Variants in DDX6 observed in about 807,000 individuals in gnomAD.
DDX6 encodes probable ATP-dependent RNA helicase DDX6.
In DDX6, 7 loss-of-function variants were observed where a neutral mutation model predicts 60.6. The observed-to-expected ratio is 0.12, with a 90% CI of 0.07 to 0.22. The LOEUF (loss-of-function observed/expected upper bound fraction) is 0.22, where lower values mean the gene tolerates loss of function less well. DDX6 is among the 10% of genes least tolerant of loss of function. The pLI is 1.00. For missense variants in DDX6, 270 were observed against 589.9 expected (o/e 0.46, Z 5.62); for synonymous variants, 207 against 201.0 (o/e 1.03, Z -0.25).
At chr11:118,758,133 C>T (rs1195839333) in intron 9 of DDX6, among the ~76,000 whole-genome samples, 2 of 152,174 alleles carry the variant, frequency 1.3e-5, no homozygotes, top group Non-Finnish European at 1.5e-5. Flanking sequence ...ACACTGTACA[C>T]GTCCACAAAT....
rs144390870 is a variant in DDX6, at chr11:118,776,765, G to A, written c.369+2867C>T. Among the ~76,000 whole-genome samples the A allele has an allele frequency of 1.3e-4, 19 of 151,694 alleles. No homozygotes were observed. In the East Asian group the frequency reaches 2.1e-3, roughly 17 times the overall value. ...GGGGAATCGCGTGAACCCAGGAGTC[G>A]GAGATTGCAGTGAGTGGACATCGCG... On this transcript the variant is annotated intron_variant, in intron 4 of 13. Transcript: ENST00000534980.
chr11:118,778,040 A>T (rs1861764202), intron 4 of DDX6, among the ~76,000 whole-genome samples: 1 of 152,008 alleles, frequency 6.6e-6, no homozygotes, highest in Admixed American at 6.6e-5. Context: ...ATTGAAAAAA[A>T]TTGAAAAAAA....
chr11:118,779,712 C>T lies in DDX6; in HGVS notation c.289G>A (p.Glu97Lys). ...CGTTTCAAACAGTAATCTTCAAACT[C>T]ATTTCCTTTTGTGGAGGTCACATCC... Reference protein sequence around the residue: ...TSDVTSTKGNEFEDYCLKREL... With the variant: ...TSDVTSTKGNKFEDYCLKREL... The change falls in exon 4 of 14, where the codon GAG becomes AAG. Residue 97 changes from glutamate (E) to lysine (K), a missense_variant. Physicochemically the swap from Glu to Lys is moderately conservative, Grantham distance 56. This residue lies in a region of DDX6 where 14 missense variants were observed against 67.4 expected (regional missense o/e 0.21). Coordinates refer to ENST00000534980, the MANE Select transcript of DDX6 (RefSeq NM_004397.6). The T allele has an allele frequency of 6.2e-7, 1 of 1,610,350 alleles. No individual in the cohort carries two copies. The highest frequency in any genetic ancestry group is 8.5e-7 in the Non-Finnish European group (1 of 1,178,014).
At chr11:118,773,518 G>A (rs1861603347) in intron 4 of DDX6, among the ~76,000 whole-genome samples, 1 of 152,186 alleles carries the variant, frequency 6.6e-6, no homozygotes, top group Non-Finnish European at 1.5e-5. Context: ...CTTGCAGTGA[G>A]CCAAGATTGC....
intron 2 of DDX6, among the ~76,000 whole-genome samples, chr11:118,783,458 G>C (rs1488860742): frequency 6.6e-6 from 1 of 152,098 alleles, no homozygotes; most frequent in East Asian, 1.9e-4. Context: ...CAAAGTGATG[G>C]GATGAACGGC....
chr11:118,764,081 C>A (rs183613993), intron 6 of DDX6, among the ~76,000 whole-genome samples: 1 of 152,040 alleles, frequency 6.6e-6, no homozygotes, highest in Non-Finnish European at 1.5e-5. Context: ...AGAAGGCACA[C>A]CAGACTTCTG....
Position 118,751,801 on chromosome 11 carries a change from TC to T in DDX6, c.*303del, listed in dbSNP as rs1860781521. The T allele has an allele frequency of 2.6e-6, 1 of 384,146 alleles. No homozygotes were observed. The highest frequency in any genetic ancestry group is 5.0e-6 in the Non-Finnish European group (1 of 198,594). 23.8% of individuals were successfully genotyped at this position (384,146 alleles called of 1,614,324 possible). ...AAGATTCTTCTCTTTTTAGGGTTTC[TC>T]CCCTTCTCTTCTTTCTTTTCCTTCC... On this transcript the variant is annotated 3_prime_UTR_variant, in exon 14 of 14. Coordinates refer to ENST00000534980, the MANE Select transcript of DDX6 (RefSeq NM_004397.6).
chr11:118,777,298 C>T (rs1280640478), intron 4 of DDX6, among the ~76,000 whole-genome samples: 1 of 152,096 alleles, frequency 6.6e-6, no homozygotes, highest in Non-Finnish European at 1.5e-5. Context: ...TTAGCACAGC[C>T]TGAATTCAAT....
intron 2 of DDX6, among the ~76,000 whole-genome samples, chr11:118,783,478 C>A (rs1265202494): frequency 6.6e-6 from 1 of 152,172 alleles, no homozygotes; most frequent in Non-Finnish European, 1.5e-5. Flanking sequence ...CATGAGCCAT[C>A]ATATCCAGCC....
rs1246101663 is a variant in DDX6 at position 118,755,594 on chromosome 11, ATTAAT to A, written c.1175-96_1175-92del. ...CATATTTCTAGCATAACCTAAGTTT[ATTAAT>A]TTAATTCAGTTATTCAAATGCATTT... On this transcript the variant is annotated intron_variant, in intron 11 of 13. Coordinates refer to ENST00000534980, the MANE Select transcript of DDX6 (RefSeq NM_004397.6). 2.5e-5 allele frequency: 17 copies of A among 692,006 alleles called. No individual in the cohort carries two copies. The East Asian group carries it at 2.7e-4, about 11-fold the overall frequency. 42.9% of individuals were successfully genotyped at this position (692,006 alleles called of 1,614,324 possible).
intron 8 of DDX6, among the ~76,000 whole-genome samples, 173 bp downstream of exon 8, chr11:118,759,749 A>G (rs891316862): frequency 1.1e-4 from 17 of 152,334 alleles, no homozygotes; most frequent in Admixed American, 2.6e-4. Flanking sequence ...ACCTTCTTAA[A>G]AAGTCAGTTA....
chr11:118,765,411 C>CTA (rs1425942992), intron 5 of DDX6, 56 bp from the exon 6 acceptor site: 8 of 1,561,428 alleles, frequency 5.1e-6, no homozygotes, highest in Admixed American at 1.7e-5. Flanking sequence ...GGAGAACATG[C>CTA]TATACATCAT....
chr11:118,754,980 G>T, intron 12 of DDX6, 93 bp from the exon 13 acceptor site: 1 of 1,094,522 alleles, frequency 9.1e-7, no homozygotes, highest in Non-Finnish European at 1.3e-6. Flanking sequence ...ACACAGGATT[G>T]ATAATGATGT....
Position 118,768,290 on chromosome 11 carries a change from T to C in DDX6, c.432A>G (p.Thr144=), listed in dbSNP as rs1029206104. The C allele has an allele frequency of 1.2e-6, 2 of 1,613,462 alleles. No individual in the cohort carries two copies. The highest frequency in any genetic ancestry group is 2.7e-5 in the African/African-American group (2 of 74,934). ...RDILARAKNG[T]GKSGAYLIPL... Reference sequence around the variant, plus strand: ...GAATGAGGTAGGCACCGCTCTTGCCTGTTCCATTTTTTGCTCTAGCTAAGA... The same window carrying C: ...GAATGAGGTAGGCACCGCTCTTGCCCGTTCCATTTTTTGCTCTAGCTAAGA... Residue 144 remains threonine, a synonymous_variant, in exon 5 of 14, where the codon ACA becomes ACG. Coordinates refer to ENST00000534980, the MANE Select transcript of DDX6 (RefSeq NM_004397.6).
intron 8 of DDX6, 108 bp downstream of exon 8, chr11:118,759,814 A>AAAT (rs1861105867): frequency 8.0e-7 from 1 of 1,246,580 alleles, no homozygotes; most frequent in African/African-American, 1.5e-5. Context: ...CAAAGGCTTG[A>AAAT]AATAATTAGC....
intron 7 of DDX6, among the ~76,000 whole-genome samples, chr11:118,761,874 AAAAAC>A (rs1250338129): frequency 3.9e-5 from 6 of 151,910 alleles, no homozygotes; most frequent in South Asian, 2.1e-4. Flanking sequence ...AAAAAAAAAA[AAAAAC>A]AAACCATGTA....
rs61756275 is a variant in DDX6 at position 118,779,679 on chromosome 11, G to A, written c.322C>T (p.Leu108=). 5.1e-3 allele frequency: 8,186 copies of A among 1,612,246 alleles called. 22 individuals carry two copies. Among genetic ancestry groups the A allele is most frequent in the Non-Finnish European group, 6.2e-3 (7,350 of 1,179,058 alleles). The change falls in exon 4 of 14, where the codon CTG becomes TTG. Residue 108 remains leucine (L), a synonymous_variant. Coordinates refer to ENST00000534980, the MANE Select transcript of DDX6 (RefSeq NM_004397.6). ...CAGCCCATTTCAAAAATTCCCATCA[G>A]TAACTCCCGTTTCAAACAGTAATCT... The part of the protein sequence containing the change: ...FEDYCLKREL[L]MGIFEMGWEK...
chr11:118,782,925 C>T (rs781856707), intron 2 of DDX6, among the ~76,000 whole-genome samples: 1 of 152,138 alleles, frequency 6.6e-6, no homozygotes, highest in Non-Finnish European at 1.5e-5. Flanking sequence ...CCACCTCACC[C>T]GGCCTACTAA....
intron 6 of DDX6, among the ~76,000 whole-genome samples, chr11:118,764,757 T>C (rs1425617977): frequency 3.3e-5 from 5 of 150,662 alleles, no homozygotes; most frequent in Admixed American, 2.7e-4. Context: ...TGAGTCAAGA[T>C]TGCGCCTCTG....
Sources: allele counts gnomAD v4.1 joint callset (sites outside exome capture counted in the v4.1 genomes callset), GRCh38; gene constraint gnomAD v4.1.1; regional missense constraint gnomAD v4.1.1; transcripts MANE v1.5; gene names NCBI Gene and HGNC (gene_info 2026-07-23, HGNC 2026-07-21).